The following FABP7 variants were observed in gnomAD, a reference collection of about 807,000 sequenced individuals.
FABP7 encodes the protein fatty acid-binding protein, brain.
A neutral mutation model predicts 14.2 loss-of-function variants in FABP7; 13 were observed. That is an observed-to-expected ratio of 0.91 (90% CI 0.59 to 1.45). The LOEUF (loss-of-function observed/expected upper bound fraction) is 1.45, where lower values mean the gene tolerates loss of function less well. Among genes scored for constraint, FABP7 ranks in the 40% most tolerant of loss-of-function variants. The pLI is 0.00. For missense variants in FABP7, 149 were observed against 157.6 expected (o/e 0.95, Z 0.29); for synonymous variants, 49 against 51.4 (o/e 0.95, Z 0.20).
chr6:122,767,874 A>G, the FABP7 span, among the ~76,000 whole-genome samples: 1 of 152,084 alleles, frequency 6.6e-6, no homozygotes, highest in African/African-American at 2.4e-5. Context: ...ACATATTGAC[A>G]ATGACATAAA....
the FABP7 span, among the ~76,000 whole-genome samples, chr6:122,772,464 G>C: frequency 6.6e-6 from 1 of 152,140 alleles, no homozygotes; most frequent in Non-Finnish European, 1.5e-5. Context: ...ATATTGCTCA[G>C]GCTGGACTGC....
chr6:122,752,980 C>T, the FABP7 span, among the ~76,000 whole-genome samples: 2 of 152,006 alleles, frequency 1.3e-5, no homozygotes, highest in Non-Finnish European at 2.9e-5. Flanking sequence ...TTTAAGAGTC[C>T]CAGCTAAAGA....
upstream of FABP7, among the ~76,000 whole-genome samples, chr6:122,777,845 A>AAAATAAAT (rs56666229): frequency 7.3e-3 from 1,051 of 143,820 alleles, 5 homozygotes; most frequent in African/African-American, 0.013. Flanking sequence ...CCTTTCTCCA[A>AAAATAAAT]AAATAAATAA....
At chr6:122,782,914 T>C (rs1342434204) in intron 3 of FABP7, 1 of 985,318 alleles carries the variant, frequency 1.0e-6, no homozygotes, top group Non-Finnish European at 1.2e-6. Flanking sequence ...TCTGAAGTTC[T>C]CCTTTATGCT....
At chr6:122,759,075 G>A in the FABP7 span, among the ~76,000 whole-genome samples, 1,914 of 152,242 alleles carry the variant, frequency 0.013, 19 homozygotes, top group Non-Finnish European at 0.018. Flanking sequence ...ATAAAGCAGG[G>A]CCACTAGGTT....
At chr6:122,764,252 G>C in the FABP7 span, among the ~76,000 whole-genome samples, 1 of 152,100 alleles carries the variant, frequency 6.6e-6, no homozygotes, top group Admixed American at 6.6e-5. Flanking sequence ...CATGGATGAA[G>C]CTGGAAGCCA....
the FABP7 span, among the ~76,000 whole-genome samples, chr6:122,763,836 A>G: frequency 1.2e-4 from 19 of 152,348 alleles, no homozygotes; most frequent in East Asian, 3.3e-3. Context: ...CAAAACCACA[A>G]TGAGGTACCA....
At chr6:122,782,300 C>A in intron 3 of FABP7, 2 of 720,890 alleles carry the variant, frequency 2.8e-6, no homozygotes, top group Non-Finnish European at 3.4e-6. Context: ...GAAAGCTGGA[C>A]GCCTGAGATC....
Position 122,782,773 on chromosome 6 carries a change from A to G in FABP7, c.349-944A>G, listed in dbSNP as rs1226480065. The G allele has an allele frequency of 3.0e-6, 3 of 985,242 alleles. No individual in the cohort carries two copies. The Admixed American group carries it at 1.8e-4, about 61-fold the overall frequency. The allele number at this position is 985,242 out of a possible 1,614,324, so 61.0% of individuals were successfully genotyped here. On this transcript the variant is annotated intron_variant, in intron 3 of 3. Transcript: ENST00000368444. Reference sequence around the variant, plus strand: ...CTGCAATCAGCACTGTTCTGCATTGAGATATTCATGTTTCTGTGGAGATGG... The same window carrying G: ...CTGCAATCAGCACTGTTCTGCATTGGGATATTCATGTTTCTGTGGAGATGG...
At chr6:122,770,637 CCT>C in the FABP7 span, among the ~76,000 whole-genome samples, 1 of 152,114 alleles carries the variant, frequency 6.6e-6, no homozygotes, top group Non-Finnish European at 1.5e-5. Context: ...CAAAGTTCAG[CCT>C]TACCCCCAGA....
upstream of FABP7, chr6:122,779,596 C>T (rs372375051): frequency 1.8e-5 from 11 of 599,670 alleles, no homozygotes; most frequent in Non-Finnish European, 2.7e-5. Flanking sequence ...CTTCCCTTCT[C>T]CTCTCTCTGT....
chr6:122,775,249 C>T (rs1033800037), upstream of FABP7, among the ~76,000 whole-genome samples: 1 of 151,982 alleles, frequency 6.6e-6, no homozygotes, highest in Non-Finnish European at 1.5e-5. Context: ...ATCACATTAC[C>T]TGACTTCAAA....
the FABP7 span, among the ~76,000 whole-genome samples, chr6:122,768,109 T>C: frequency 1.2e-3 from 175 of 152,166 alleles, no homozygotes; most frequent in African/African-American, 4.2e-3. Context: ...ATTAAACATA[T>C]GAAAATATGT....
At chr6:122,781,580 C>T in intron 3 of FABP7, 1 of 1,200,846 alleles carries the variant, frequency 8.3e-7, no homozygotes, top group Middle Eastern at 3.3e-4. Context: ...ATAAGAGAAT[C>T]TCAGACAGAT....
At chr6:122,775,681 C>CCT (rs1003812125), upstream of FABP7, among the ~76,000 whole-genome samples, 31 of 140,934 alleles carry the variant, frequency 2.2e-4, no homozygotes, top group Admixed American at 1.8e-3. Context: ...AAGTTGAAAA[C>CCT]CTCTTCACAA....
chr6:122,783,741 G>T lies in FABP7; in HGVS notation c.373G>T (p.Ala125Ser). 1 of 1,607,252 alleles carries T rather than the reference G, an allele frequency of 6.2e-7. No homozygotes were observed. Among genetic ancestry groups the T allele is most frequent in the African/African-American group, 1.3e-5 (1 of 74,546 alleles). The change falls in exon 4 of 4, where the codon GCT becomes TCT. Residue 125 changes from alanine (A) to serine (S), a missense_variant. Physicochemically the swap from Ala to Ser is moderately conservative, Grantham distance 99. Coordinates refer to ENST00000368444, the MANE Select transcript of FABP7 (RefSeq NM_001446.5). ...GACCCTTACTTTTGGTGATGTGGTT[G>T]CTGTTCGCCACTATGAGAAGGCATA... ...VMTLTFGDVV[A>S]VRHYEKA
the FABP7 span, among the ~76,000 whole-genome samples, chr6:122,773,793 G>C: frequency 6.6e-6 from 1 of 152,020 alleles, no homozygotes. Flanking sequence ...AAAAATTGTT[G>C]TAAAGCAAGG....
At chr6:122,772,665 C>A in the FABP7 span, among the ~76,000 whole-genome samples, 1 of 152,136 alleles carries the variant, frequency 6.6e-6, no homozygotes, top group Non-Finnish European at 1.5e-5. Context: ...CTGATCTGCC[C>A]ACCTCTGCCT....
chr6:122,756,701 C>T, the FABP7 span, among the ~76,000 whole-genome samples: 1 of 152,190 alleles, frequency 6.6e-6, no homozygotes, highest in African/African-American at 2.4e-5. Context: ...CTTAAAGCCA[C>T]TCTCCTCCAG....
Sources: gnomAD v4.1 joint callset for allele counts (sites outside exome capture counted in the v4.1 genomes callset) on GRCh38, gnomAD v4.1.1 for gene constraint, MANE v1.5 for transcripts, NCBI Gene and HGNC (gene_info 2026-07-23, HGNC 2026-07-21) for gene names.